THOC2: variants seen among roughly 807,000 people sequenced by gnomAD.
THOC2 encodes THO complex subunit 2.
A neutral mutation model predicts 128.4 loss-of-function variants in THOC2; 10 were observed. The ratio of observed to expected loss-of-function variants is 0.08; its 90% CI spans 0.05 to 0.13. The LOEUF (loss-of-function observed/expected upper bound fraction) is 0.13. THOC2 is among the 10% of genes least tolerant of loss of function. The pLI is 1.00. For synonymous variants in THOC2, 393 were observed against 396.9 expected (o/e 0.99, Z 0.12); for missense variants, 535 against 1,155.7 (o/e 0.46, Z 7.79).
chrX:123,680,078 C>G (rs2049694793), intron 8 of THOC2, among the ~76,000 whole-genome samples: 1 of 111,468 alleles, frequency 9.0e-6, no homozygotes, highest in Admixed American at 9.5e-5. Context: ...AGTCCGACAC[C>G]CGTAAAGGGT....
chrX:123,614,451 G>C (rs768885586), intron 33 of THOC2, among the ~76,000 whole-genome samples: 4 of 109,211 alleles, frequency 3.7e-5, no homozygotes, highest in Non-Finnish European at 7.7e-5. Flanking sequence ...ACAAGCTAGA[G>C]TATTCCTTAT....
At chrX:123,640,310 C>T (rs1208978026) in intron 16 of THOC2, among the ~76,000 whole-genome samples, 3 of 111,464 alleles carry the variant, frequency 2.7e-5, no homozygotes, top group African/African-American at 9.8e-5. Flanking sequence ...ATGTGGTATA[C>T]AAAATAACAT....
intron 1 of THOC2, among the ~76,000 whole-genome samples, chrX:123,726,512 C>CA (rs567231605): frequency 0.024 from 1,278 of 52,434 alleles, 16 homozygotes; most frequent in African/African-American, 0.056. Context: ...GACCCTGTCT[C>CA]AAAAAAAAAA....
chrX:123,711,783 CAAAT>C (rs1019272972), intron 2 of THOC2, among the ~76,000 whole-genome samples: 5 of 108,784 alleles, frequency 4.6e-5, no homozygotes, highest in South Asian at 4.0e-4. Context: ...AACTCCATCT[CAAAT>C]AAATAAATAA....
intron 21 of THOC2, 133 bp from the exon 22 acceptor site, chrX:123,631,985 C>T (rs2047500743): frequency 5.4e-6 from 3 of 559,997 alleles, no homozygotes; most frequent in Non-Finnish European, 8.0e-6. Context: ...ACAAGTATAA[C>T]CACATGACCA....
chrX:123,693,487 T>C (rs751467748), intron 7 of THOC2, among the ~76,000 whole-genome samples: 15 of 111,656 alleles, frequency 1.3e-4, no homozygotes, highest in Non-Finnish European at 2.8e-4. Flanking sequence ...AGTTCATTTC[T>C]CAGACAATTG....
In THOC2 at chrX:123,635,962, T is replaced by C. The variant is rs189577607; in HGVS notation, c.2018+117A>G. On this transcript the variant is annotated intron_variant, in intron 19 of 38. Coordinates refer to ENST00000245838, the MANE Select transcript of THOC2 (RefSeq NM_001081550.2). ...TTTATGTAAATAAGTGAGCAACTAT[T>C]CTACTTGAGCCTACAACCAACAAAT... The C allele has an allele frequency of 2.4e-4, 116 of 480,840 alleles. No individual in the cohort carries two copies. The African/African-American group carries it at 2.5e-3, about 10-fold the overall frequency. 39.6% of individuals were successfully genotyped at this position (480,840 alleles called of 1,213,427 possible).
intron 1 of THOC2, among the ~76,000 whole-genome samples, chrX:123,717,355 T>A (rs1203090150): frequency 5.4e-5 from 6 of 110,683 alleles, no homozygotes; most frequent in African/African-American, 9.8e-5. Context: ...CTGAAAAAAA[T>A]TTTTAATTCC....
intron 8 of THOC2, among the ~76,000 whole-genome samples, chrX:123,680,757 G>A (rs1353973228): frequency 9.0e-6 from 1 of 111,478 alleles, no homozygotes; most frequent in Non-Finnish European, 1.9e-5. Context: ...TTTTCCCTAA[G>A]TTGGTGACAA....
At chrX:123,696,551 A>G (rs950751836) in intron 6 of THOC2, among the ~76,000 whole-genome samples, 170 bp downstream of exon 6, 2 of 111,662 alleles carry the variant, frequency 1.8e-5, no homozygotes, top group Non-Finnish European at 3.8e-5. Flanking sequence ...GGTAAAGATC[A>G]CTGATGACTC....
intron 37 of THOC2, 37 bp from the exon 38 acceptor site, chrX:123,611,000 T>C (rs1446780511): frequency 6.7e-6 from 8 of 1,190,648 alleles, no homozygotes; most frequent in South Asian, 1.8e-5. Context: ...CTTTTGGGAA[T>C]GGCGGAAAGA....
intron 9 of THOC2, among the ~76,000 whole-genome samples, chrX:123,669,771 A>G (rs909797321): frequency 3.6e-5 from 4 of 111,976 alleles, no homozygotes; most frequent in African/African-American, 1.3e-4. Flanking sequence ...AGTGAGCACA[A>G]TCTTGTTATT....
At chrX:123,727,610 A>G (rs2052050679) in intron 1 of THOC2, among the ~76,000 whole-genome samples, 1 of 112,217 alleles carries the variant, frequency 8.9e-6, no homozygotes, top group Non-Finnish European at 1.9e-5. Flanking sequence ...TTTTAATTTA[A>G]TTTTTTAAAA....
At chrX:123,725,045 C>T (rs997117552) in intron 1 of THOC2, among the ~76,000 whole-genome samples, 10 of 111,690 alleles carry the variant, frequency 9.0e-5, no homozygotes, top group Non-Finnish European at 1.7e-4. Flanking sequence ...ACCAGTGAGC[C>T]ATGATCGCAC....
chrX:123,632,754 C>A, intron 21 of THOC2, 107 bp downstream of exon 21: 1 of 616,760 alleles, frequency 1.6e-6, no homozygotes, highest in Admixed American at 3.1e-5. Flanking sequence ...TAGGATGTCT[C>A]ATATTCAAAT....
intron 7 of THOC2, among the ~76,000 whole-genome samples, chrX:123,691,501 T>C (rs921435626): frequency 1.8e-5 from 2 of 111,772 alleles, no homozygotes; most frequent in African/African-American, 6.5e-5. Flanking sequence ...AAATGTCCCA[T>C]AATCTATCCA....
chrX:123,678,615 C>T (rs967579853), intron 8 of THOC2, among the ~76,000 whole-genome samples: 4 of 110,482 alleles, frequency 3.6e-5, no homozygotes, highest in African/African-American at 1.3e-4. Context: ...TCTGCTAAAC[C>T]CTTTACTGTG....
In THOC2 at chrX:123,693,409, A is replaced by T. The variant is rs750210892; in HGVS notation, c.601+2612T>A. Reference sequence around the variant, plus strand: ...TGAACCTGGGAGGCAGAGGTTGCGGATAGCCAAGATTGTACCACTGCACTC... The same window carrying T: ...TGAACCTGGGAGGCAGAGGTTGCGGTTAGCCAAGATTGTACCACTGCACTC... On this transcript the variant is annotated intron_variant, in intron 7 of 38. Transcript: ENST00000245838. Among the ~76,000 whole-genome samples, 635 of 112,003 alleles carry T rather than the reference A, an allele frequency of 5.7e-3. 5 individuals carry two copies. The highest frequency in any genetic ancestry group is 9.0e-3 in the Non-Finnish European group (479 of 53,153).
intron 9 of THOC2, among the ~76,000 whole-genome samples, chrX:123,669,612 G>C (rs746981643): frequency 2.7e-5 from 3 of 111,532 alleles, no homozygotes; most frequent in African/African-American, 9.8e-5. Flanking sequence ...CACTGCGCCC[G>C]GCCATAGGTC....
Sources: gnomAD v4.1 joint callset for allele counts (sites outside exome capture counted in the v4.1 genomes callset) on GRCh38, gnomAD v4.1.1 for gene constraint, MANE v1.5 for transcripts, NCBI Gene and HGNC (gene_info 2026-07-23, HGNC 2026-07-21) for gene names.